The following AKAP9 variants were observed in gnomAD, a reference collection of about 807,000 sequenced individuals.
AKAP9 encodes the protein A-kinase anchor protein 9.
In AKAP9, 311 loss-of-function variants were observed where a neutral mutation model predicts 488.5. That is an observed-to-expected ratio of 0.64 (90% CI 0.58 to 0.70). The LOEUF (loss-of-function observed/expected upper bound fraction) is 0.70. AKAP9 is among the 30% of genes least tolerant of loss of function. The pLI, the probability that AKAP9 is intolerant of heterozygous loss-of-function variation, is 0.00. For missense variants in AKAP9, 4,215 were observed against 4,374.5 expected, an observed-to-expected ratio of 0.96 and a Z score of 1.03; for synonymous variants, 1,462 against 1,483.5, an observed-to-expected ratio of 0.99 and a Z score of 0.33.
At chr7:91,951,022 G>A (rs562590884) in intron 1 of AKAP9, among the ~76,000 whole-genome samples, 1 of 151,674 alleles carries the variant, frequency 6.6e-6, no homozygotes, top group African/African-American at 2.4e-5. Context: ...CTCAACAAGA[G>A]AACTCTCACT....
In AKAP9 at chr7:92,047,657, T is replaced by C. The variant is rs189172066; in HGVS notation, c.5368+2444T>C. 2.3e-3 allele frequency among the ~76,000 whole-genome samples: 356 copies of C among 152,266 alleles called. 1 individual carries two copies. Among genetic ancestry groups the C allele is most frequent in the Middle Eastern group, 3.4e-3 (1 of 294 alleles). Reference sequence around the variant, plus strand: ...TATTCTGATTCAAAGCAAAATAGAGTCATAATATTTAATATTTTGCCTAAA... The same window carrying C: ...TATTCTGATTCAAAGCAAAATAGAGCCATAATATTTAATATTTTGCCTAAA... On this transcript the variant is annotated intron_variant, in intron 21 of 49. Coordinates refer to ENST00000356239, the MANE Select transcript of AKAP9 (RefSeq NM_005751.5).
At chr7:92,052,586 T>C (rs376727128) in intron 21 of AKAP9, 140 bp from the exon 22 acceptor site, 17 of 594,574 alleles carry the variant, frequency 2.9e-5, no homozygotes, top group Non-Finnish European at 4.6e-5. Context: ...TATTTGCATA[T>C]TTTATTTGTT....
chr7:92,102,429 G>T (rs993137556), intron 45 of AKAP9, among the ~76,000 whole-genome samples, 165 bp from the exon 46 acceptor site: 1 of 147,374 alleles, frequency 6.8e-6, no homozygotes, highest in Non-Finnish European at 1.5e-5. Context: ...AACAGTGATA[G>T]GAACCTGCCG....
intron 16 of AKAP9, among the ~76,000 whole-genome samples, chr7:92,034,480 C>CTATATATATATATA: frequency 9.1e-6 from 1 of 109,876 alleles, no homozygotes; most frequent in East Asian, 3.1e-4. Context: ...GTGTATATAT[C>CTATATATATATATA]TATATATATA....
intron 14 of AKAP9, 54 bp downstream of exon 14, chr7:92,023,063 A>G: frequency 2.6e-6 from 4 of 1,550,914 alleles, no homozygotes; most frequent in East Asian, 2.2e-5. Context: ...TGTAACAATT[A>G]TAGTATCATC....
chr7:91,954,596 G>T (rs149108219), intron 1 of AKAP9, among the ~76,000 whole-genome samples: 140 of 152,276 alleles, frequency 9.2e-4, no homozygotes, highest in African/African-American at 3.3e-3. Flanking sequence ...AAAGAAAGAA[G>T]GGGAAAATAA....
At chr7:92,091,602 A>AG (rs1186609581) in intron 38 of AKAP9, among the ~76,000 whole-genome samples, 2 of 150,530 alleles carry the variant, frequency 1.3e-5, no homozygotes, top group Non-Finnish European at 3.0e-5. Flanking sequence ...AAAAAACAAA[A>AG]AAAAAAAACA....
chr7:92,030,759 T>G (rs529242221), intron 15 of AKAP9, among the ~76,000 whole-genome samples: 2 of 152,186 alleles, frequency 1.3e-5, no homozygotes, highest in African/African-American at 4.8e-5. Flanking sequence ...TCCACATCTT[T>G]TAAAGTGCAT....
At chr7:91,978,577 C>G (rs1795996456) in intron 2 of AKAP9, among the ~76,000 whole-genome samples, 1 of 152,082 alleles carries the variant, frequency 6.6e-6, no homozygotes, top group Non-Finnish European at 1.5e-5. Flanking sequence ...TCACTTCATA[C>G]CCAAATCCAG....
intron 8 of AKAP9, among the ~76,000 whole-genome samples, chr7:92,004,351 C>A (rs1799539781): frequency 6.6e-6 from 1 of 151,920 alleles, no homozygotes; most frequent in African/African-American, 2.4e-5. Flanking sequence ...AAAGTCATTT[C>A]TGTGAAGAAA....
chr7:92,089,071 G>A (rs1314325983), intron 37 of AKAP9, among the ~76,000 whole-genome samples: 1 of 152,094 alleles, frequency 6.6e-6, no homozygotes, highest in East Asian at 1.9e-4. Flanking sequence ...TTGCTGTGAA[G>A]TACATTTCAC....
intron 11 of AKAP9, 21 bp downstream of exon 11, chr7:92,016,288 T>G: frequency 6.9e-7 from 1 of 1,448,050 alleles, no homozygotes; most frequent in Non-Finnish European, 9.6e-7. Context: ...CTTACCATAC[T>G]ATTAAACAGT....
chr7:91,971,210 C>T lies in AKAP9; in HGVS notation c.49-2501C>T, dbSNP rs748765342. ...TTTTCTCCTCTGTATTTTTAAATAG[C>T]CCGTCTTTGAGCTCACTGATTCTTT... On this transcript the variant is annotated intron_variant, in intron 1 of 49. Coordinates refer to ENST00000356239, the MANE Select transcript of AKAP9 (RefSeq NM_005751.5). Among the ~76,000 whole-genome samples, 33 of 152,106 alleles carry T rather than the reference C, an allele frequency of 2.2e-4. 1 individual carries two copies. Among genetic ancestry groups the T allele is most frequent in the Non-Finnish European group, 4.3e-4 (29 of 68,014 alleles).
chr7:91,949,311 G>A (rs530747186), intron 1 of AKAP9, among the ~76,000 whole-genome samples: 3 of 152,072 alleles, frequency 2.0e-5, no homozygotes, highest in Admixed American at 2.0e-4. Context: ...AATTTAAATT[G>A]TTGCTTCCTT....
At chr7:92,028,141 G>T (rs1803616813) in intron 14 of AKAP9, among the ~76,000 whole-genome samples, 1 of 151,944 alleles carries the variant, frequency 6.6e-6, no homozygotes, top group African/African-American at 2.4e-5. Context: ...AGTACCCAGG[G>T]ACACAAACAC....
At chr7:91,963,603 C>T (rs1468564596) in intron 1 of AKAP9, among the ~76,000 whole-genome samples, 10 of 151,914 alleles carry the variant, frequency 6.6e-5, no homozygotes, top group Non-Finnish European at 1.2e-4. Context: ...CTGCAAGCTC[C>T]GCCTCCCGGA....
In AKAP9 at chr7:92,066,511, C is replaced by G; in HGVS notation, c.6295C>G (p.Arg2099Gly). The G allele has an allele frequency of 6.2e-7, 1 of 1,613,420 alleles. No individual in the cohort carries two copies. The highest frequency in any genetic ancestry group is 8.5e-7 in the Non-Finnish European group (1 of 1,179,578). ...AGAACAGCAACTTAAGGTTGTTCCT[C>G]GATTCCAGCCTATCAGTGAACATCA... ...KLEQQLKVVP[R>G]FQPISEHQTR... The change falls in exon 26 of 50, where the codon CGA (arginine) becomes GGA (glycine). Residue 2099 changes from arginine to glycine, a missense_variant. Physicochemically the swap from Arg to Gly is moderately radical, Grantham distance 125. Coordinates refer to ENST00000356239, the MANE Select transcript of AKAP9 (RefSeq NM_005751.5).
At chr7:92,038,875 A>G (rs1805597088) in intron 17 of AKAP9, 103 bp downstream of exon 17, 1 of 822,834 alleles carries the variant, frequency 1.2e-6, no homozygotes, top group Non-Finnish European at 1.9e-6. Context: ...GAGGAGGAAA[A>G]TATCAAATTC....
chr7:91,978,241 CAAAAA>C (rs11295179), intron 2 of AKAP9, among the ~76,000 whole-genome samples: 3 of 88,732 alleles, frequency 3.4e-5, no homozygotes, highest in South Asian at 3.7e-4. Context: ...GACTCTGTCT[CAAAAA>C]AAAAAAAAAA....
Sources: allele counts gnomAD v4.1 joint callset (sites outside exome capture counted in the v4.1 genomes callset), GRCh38; gene constraint gnomAD v4.1.1; transcripts MANE v1.5; gene names NCBI Gene and HGNC (gene_info 2026-07-23, HGNC 2026-07-21).